HSD17B4: variants seen among roughly 807,000 people sequenced by gnomAD.
HSD17B4 encodes the protein hydroxysteroid 17-beta dehydrogenase 4, also known as peroxisomal multifunctional enzyme type 2.
Under a neutral mutation model 101.0 loss-of-function variants are expected in HSD17B4, and 70 were observed. The ratio of observed to expected loss-of-function variants is 0.69; its 90% CI spans 0.57 to 0.85. The LOEUF (loss-of-function observed/expected upper bound fraction) is 0.85, where lower values mean the gene tolerates loss of function less well. Ranked by LOEUF, HSD17B4 falls within the 40% of genes least tolerant of loss-of-function variation. HSD17B4 has a pLI of 0.00. For missense variants in HSD17B4, 984 were observed against 892.4 expected (o/e 1.10, Z -1.31); for synonymous variants, 347 against 297.1 (o/e 1.17, Z -1.73).
At chr5:119,456,643 A>G (rs1465034590) in intron 2 of HSD17B4, 1 of 464,196 alleles carries the variant, frequency 2.2e-6, no homozygotes, top group East Asian at 4.2e-5. Flanking sequence ...GTGACTCAGG[A>G]GGCTGAGGTG....
intron 4 of HSD17B4, among the ~76,000 whole-genome samples, chr5:119,475,444 G>A (rs1184280004): frequency 6.6e-6 from 1 of 152,056 alleles, no homozygotes; most frequent in Non-Finnish European, 1.5e-5. Context: ...ATAATTAAGT[G>A]GATAGAATTT....
At position 119,542,099 on chromosome 5, in the gene HSD17B4, A is replaced by G. The variant is rs1755048147; in HGVS notation, c.*105A>G. 1 of 760,396 alleles carries G rather than the reference A, an allele frequency of 1.3e-6. No individual in the cohort carries two copies. Among genetic ancestry groups the G allele is most frequent in the Non-Finnish European group, 2.3e-6 (1 of 430,316 alleles). 47.1% of individuals were successfully genotyped at this position (760,396 alleles called of 1,614,324 possible). On this transcript the variant is annotated 3_prime_UTR_variant, in exon 24 of 24. Coordinates refer to ENST00000510025, the MANE Select transcript of HSD17B4 (RefSeq NM_000414.4). ...TGATTAGAACTAAGATGCAGGGGAA[A>G]TTGCTTAACATTTTCAGATATCAGA...
chr5:119,526,872 A>G (rs1322634298), intron 19 of HSD17B4, among the ~76,000 whole-genome samples: 1 of 151,922 alleles, frequency 6.6e-6, no homozygotes, highest in East Asian at 1.9e-4. Context: ...TTATGGTTTT[A>G]TTTCTTGATT....
At chr5:119,518,789 A>G (rs1354461115) in intron 17 of HSD17B4, among the ~76,000 whole-genome samples, 2 of 152,148 alleles carry the variant, frequency 1.3e-5, no homozygotes, top group Non-Finnish European at 2.9e-5. Flanking sequence ...TACCAGTATC[A>G]CTTCTGGAAT....
At position 119,527,118 on chromosome 5, in the gene HSD17B4, A is replaced by C. The variant is rs375327755; in HGVS notation, c.1681-15A>C. 7 of 1,507,504 alleles carry C rather than the reference A, an allele frequency of 4.6e-6. No individual in the cohort carries two copies. In the East Asian group the frequency reaches 1.4e-4, roughly 29 times the overall value. The allele number at this position is 1,507,504 out of a possible 1,614,324, so 93.4% of individuals were successfully genotyped here. On this transcript the variant is annotated splice_polypyrimidine_tract_variant and intron_variant, in intron 19 of 23. Coordinates refer to ENST00000510025, the MANE Select transcript of HSD17B4 (RefSeq NM_000414.4). Reference sequence around the variant, plus strand: ...CCTTTTAAAACATTTTTAACCCCACAATTCTTTTTTAAAGGCTCGTTTTGC... The same window carrying C: ...CCTTTTAAAACATTTTTAACCCCACCATTCTTTTTTAAAGGCTCGTTTTGC...
Position 119,489,269 on chromosome 5 carries a change from G to C in HSD17B4, c.700G>C (p.Gly234Arg). ...WLCHESCEEN[G>R]GLFEVGAGWI... The stretch of plus-strand genomic sequence containing the variant: ...TTGTCACGAGAGTTGTGAGGAGAAT[G>C]GTGGCTTGTTTGAGGTATTTGCACC... The change falls in exon 9 of 24, where the codon GGT becomes CGT. Residue 234 changes from glycine to arginine, a missense_variant. Coordinates refer to ENST00000510025, the MANE Select transcript of HSD17B4 (RefSeq NM_000414.4). 1 of 1,611,274 alleles carries C rather than the reference G, an allele frequency of 6.2e-7. No homozygotes were observed.
Position 119,496,652 on chromosome 5 carries a change from TG to T in HSD17B4, c.972+9del. 1 of 1,528,218 alleles carries T rather than the reference TG, an allele frequency of 6.5e-7. No homozygotes were observed. Among genetic ancestry groups the T allele is most frequent in the Non-Finnish European group, 9.1e-7 (1 of 1,101,610 alleles). The allele number at this position is 1,528,218 out of a possible 1,614,324, so 94.7% of individuals were successfully genotyped here. A position where few individuals can be genotyped will look rare whatever the true frequency, so the allele number is the denominator to read the frequency against. On this transcript the variant is annotated splice_region_variant and intron_variant, in intron 12 of 23. Transcript: ENST00000510025. ...CTACAGCAACATCAGGATTTGTAAG[TG>T]GGAAAAAAGCCTAAAGCGTTTGCCT...
At chr5:119,464,604 T>A (rs1755624684) in intron 2 of HSD17B4, 1 of 152,136 alleles carries the variant, frequency 6.6e-6, no homozygotes, top group Non-Finnish European at 1.5e-5. Flanking sequence ...TTTTTTTTTC[T>A]TCTTTTGAGA....
At chr5:119,487,216 A>T (rs777478632) in intron 8 of HSD17B4, 1 of 147,702 alleles carries the variant, frequency 6.8e-6, no homozygotes, top group Non-Finnish European at 1.5e-5. Context: ...TCCCTGTAGC[A>T]TGTAGCACTA....
chr5:119,483,991 TTTG>T (rs1163023276), intron 8 of HSD17B4, among the ~76,000 whole-genome samples: 1 of 152,134 alleles, frequency 6.6e-6, no homozygotes, highest in African/African-American at 2.4e-5. Flanking sequence ...CACAGACATT[TTTG>T]TTGTTATAGC....
intron 17 of HSD17B4, among the ~76,000 whole-genome samples, chr5:119,515,730 A>G (rs1752551412): frequency 6.6e-6 from 1 of 152,184 alleles, no homozygotes; most frequent in Non-Finnish European, 1.5e-5. Flanking sequence ...ATGCAGATAT[A>G]GCATAAAATC....
chr5:119,489,083 C>T (rs1410033253), intron 8 of HSD17B4, 109 bp from the exon 9 acceptor site: 1 of 756,858 alleles, frequency 1.3e-6, no homozygotes, highest in East Asian at 2.8e-5. Flanking sequence ...TATATACATA[C>T]TAATTTTGTT....
chr5:119,506,375 C>T (rs1249432740), intron 14 of HSD17B4, among the ~76,000 whole-genome samples: 1 of 152,144 alleles, frequency 6.6e-6, no homozygotes, highest in Non-Finnish European at 1.5e-5. Flanking sequence ...CATAGTATTC[C>T]ATGGTGTATA....
At chr5:119,531,476 A>G in intron 22 of HSD17B4, 72 bp downstream of exon 22, 1 of 1,445,668 alleles carries the variant, frequency 6.9e-7, no homozygotes, top group Non-Finnish European at 9.7e-7. Flanking sequence ...TTAACAATTA[A>G]AGACCTTTGA....
At chr5:119,481,887 C>G (rs1241029621) in intron 8 of HSD17B4, among the ~76,000 whole-genome samples, 3 of 152,106 alleles carry the variant, frequency 2.0e-5, no homozygotes, top group African/African-American at 7.2e-5. Flanking sequence ...TAATTCTTAT[C>G]CTTATTCCTC....
At chr5:119,501,902 A>G in intron 13 of HSD17B4, 139 bp from the exon 14 acceptor site, 1 of 649,702 alleles carries the variant, frequency 1.5e-6, no homozygotes, top group Non-Finnish European at 2.8e-6. Context: ...GATTAAGAAG[A>G]AGCCAAACAG....
At chr5:119,523,497 G>C (rs1398951984) in intron 17 of HSD17B4, among the ~76,000 whole-genome samples, 1 of 152,004 alleles carries the variant, frequency 6.6e-6, no homozygotes, top group Admixed American at 6.6e-5. Context: ...ATGATTGAAT[G>C]GGTCAAACAT....
chr5:119,491,831 G>A (rs548412844), intron 9 of HSD17B4, among the ~76,000 whole-genome samples: 99 of 152,276 alleles, frequency 6.5e-4, no homozygotes, highest in African/African-American at 2.1e-3. Flanking sequence ...AGACAAATTT[G>A]TATCAAGCCT....
intron 17 of HSD17B4, among the ~76,000 whole-genome samples, chr5:119,518,699 A>G (rs1303414224): frequency 2.6e-5 from 4 of 152,240 alleles, no homozygotes; most frequent in Admixed American, 1.3e-4. Context: ...GCCATTATAC[A>G]TAAACTTTAT....
Sources: gnomAD v4.1 joint callset for allele counts (sites outside exome capture counted in the v4.1 genomes callset) on GRCh38, gnomAD v4.1.1 for gene constraint, MANE v1.5 for transcripts, NCBI Gene and HGNC (gene_info 2026-07-23, HGNC 2026-07-21) for gene names.